Variants in HACD2 observed in about 807,000 individuals in gnomAD.
The protein encoded by HACD2 is very-long-chain (3R)-3-hydroxyacyl-CoA dehydratase 2.
Under a neutral mutation model 31.0 loss-of-function variants are expected in HACD2, and 15 were observed. That is an observed-to-expected ratio of 0.48 (90% CI 0.32 to 0.75). The LOEUF (loss-of-function observed/expected upper bound fraction) is 0.75, where lower values mean the gene tolerates loss of function less well. Ranked by LOEUF, HACD2 falls within the 30% of genes least tolerant of loss-of-function variation. HACD2 has a pLI of 0.03. For missense variants in HACD2, 283 were observed against 313.0 expected (o/e 0.90, Z 0.72); for synonymous variants, 115 against 122.2 (o/e 0.94, Z 0.39).
chr3:123,530,421 T>C (rs1472683003), intron 3 of HACD2, among the ~76,000 whole-genome samples: 1 of 150,872 alleles, frequency 6.6e-6, no homozygotes, highest in Non-Finnish European at 1.5e-5. Context: ...TTTTTTTTTT[T>C]TTTTTTGAGA....
chr3:123,513,179 T>C (rs1559904140), intron 4 of HACD2, among the ~76,000 whole-genome samples: 1 of 152,206 alleles, frequency 6.6e-6, no homozygotes, highest in Non-Finnish European at 1.5e-5. Flanking sequence ...TATAACCCAT[T>C]GAATTATACA....
chr3:123,575,968 T>C (rs531445779), intron 2 of HACD2, among the ~76,000 whole-genome samples: 35 of 152,308 alleles, frequency 2.3e-4, no homozygotes, highest in Non-Finnish European at 4.3e-4. Flanking sequence ...ATTCCAACCT[T>C]TTCTACTTCC....
At position 123,511,417 on chromosome 3, in the gene HACD2, T is replaced by C. The variant is rs576303529; in HGVS notation, c.382-8736A>G. Reference sequence around the variant, plus strand: ...AATTATCTTTCAAAATCAATAACTATTGGAAGGAACCCTATACAAGAAGAG... The same window carrying C: ...AATTATCTTTCAAAATCAATAACTACTGGAAGGAACCCTATACAAGAAGAG... On this transcript the variant is annotated intron_variant, in intron 4 of 6. Coordinates refer to ENST00000383657, the MANE Select transcript of HACD2 (RefSeq NM_198402.5). 3.3e-5 allele frequency among the ~76,000 whole-genome samples: 5 copies of C among 152,196 alleles called. No individual in the cohort carries two copies. The South Asian group carries it at 8.3e-4, about 25-fold the overall frequency.
At chr3:123,495,856 A>C (rs1445449324) in intron 6 of HACD2, among the ~76,000 whole-genome samples, 1 of 152,186 alleles carries the variant, frequency 6.6e-6, no homozygotes, top group African/African-American at 2.4e-5. Context: ...GACAGTACCC[A>C]CTACTAAGAA....
chr3:123,546,210 T>C (rs775047203), intron 3 of HACD2, among the ~76,000 whole-genome samples: 3 of 152,192 alleles, frequency 2.0e-5, no homozygotes, highest in African/African-American at 4.8e-5. Context: ...ACTAAAGATA[T>C]AGAGCCGATT....
chr3:123,566,878 T>C (rs1411384451), intron 3 of HACD2, among the ~76,000 whole-genome samples: 1 of 152,142 alleles, frequency 6.6e-6, no homozygotes, highest in Non-Finnish European at 1.5e-5. Context: ...GAGCCAGATA[T>C]CACAGTGACC....
intron 4 of HACD2, among the ~76,000 whole-genome samples, chr3:123,514,103 T>C (rs1435481538): frequency 6.6e-6 from 1 of 152,092 alleles, no homozygotes; most frequent in African/African-American, 2.4e-5. Flanking sequence ...GGTGAAACCC[T>C]GCCACTACAA....
At chr3:123,531,130 T>C (rs2056355651) in intron 3 of HACD2, among the ~76,000 whole-genome samples, 1 of 152,058 alleles carries the variant, frequency 6.6e-6, no homozygotes, top group Non-Finnish European at 1.5e-5. Flanking sequence ...CCTCCCAAAG[T>C]GCTGGGATTA....
intron 3 of HACD2, among the ~76,000 whole-genome samples, chr3:123,544,274 A>G (rs147531553): frequency 3.5e-4 from 54 of 152,296 alleles, no homozygotes; most frequent in African/African-American, 1.3e-3. Flanking sequence ...GAAGAGAAAG[A>G]GCAATTATAG....
chr3:123,507,586 G>A (rs963028086), intron 4 of HACD2, among the ~76,000 whole-genome samples: 7 of 152,270 alleles, frequency 4.6e-5, no homozygotes, highest in South Asian at 2.1e-4. Flanking sequence ...AAGTAGAATA[G>A]TGGTTGCCAG....
rs1373024020 is a variant in HACD2, at chr3:123,492,847, C to T, written c.*2041G>A. ...TTGATTCTATTTTATAGTAGAAATA[C>T]ATTATGGAAGAATAAAATGAGAGAA... On this transcript the variant is annotated 3_prime_UTR_variant, in exon 7 of 7. Transcript: ENST00000383657. 6.6e-6 allele frequency: 1 copy of T among 152,112 alleles called. No individual in the cohort carries two copies. The highest frequency in any genetic ancestry group is 1.5e-5 in the Non-Finnish European group (1 of 68,026). The allele number at this position is 152,112 out of a possible 1,614,324, so 9.4% of individuals were successfully genotyped here.
intron 3 of HACD2, among the ~76,000 whole-genome samples, chr3:123,566,031 G>A (rs891807108): frequency 6.6e-6 from 1 of 152,062 alleles, no homozygotes; most frequent in South Asian, 2.1e-4. Flanking sequence ...AGCAGACCAC[G>A]GGACAGATGA....
At chr3:123,568,933 A>G (rs901884163) in intron 2 of HACD2, among the ~76,000 whole-genome samples, 7 of 152,168 alleles carry the variant, frequency 4.6e-5, no homozygotes, top group African/African-American at 1.7e-4. Flanking sequence ...AGGACCAAGA[A>G]CTTAGGTTTT....
chr3:123,538,442 G>T (rs1358619028), intron 3 of HACD2, among the ~76,000 whole-genome samples: 1 of 152,170 alleles, frequency 6.6e-6, no homozygotes, highest in African/African-American at 2.4e-5. Flanking sequence ...TAATGAAACA[G>T]AAATGAATAT....
At chr3:123,547,937 C>G (rs1477650017) in intron 3 of HACD2, among the ~76,000 whole-genome samples, 2 of 152,048 alleles carry the variant, frequency 1.3e-5, no homozygotes, top group Non-Finnish European at 2.9e-5. Flanking sequence ...CCAGAGAAGG[C>G]AACTCACACT....
intron 2 of HACD2, among the ~76,000 whole-genome samples, chr3:123,576,354 T>C (rs1333910971): frequency 1.3e-5 from 2 of 152,106 alleles, no homozygotes; most frequent in Non-Finnish European, 2.9e-5. Context: ...CACCAAGCAG[T>C]GAGGCCTGTG....
intron 4 of HACD2, among the ~76,000 whole-genome samples, chr3:123,511,061 G>A (rs1475381104): frequency 2.7e-5 from 4 of 150,886 alleles, no homozygotes; most frequent in East Asian, 1.9e-4. Context: ...ATCTTTTCAC[G>A]TGCTTATTGG....
At chr3:123,521,992 G>C (rs576211608) in intron 4 of HACD2, among the ~76,000 whole-genome samples, 1 of 152,226 alleles carries the variant, frequency 6.6e-6, no homozygotes, top group Admixed American at 6.5e-5. Context: ...GGAGAAAGAT[G>C]CAACATGGGA....
chr3:123,563,071 T>A (rs1247579338), intron 3 of HACD2, among the ~76,000 whole-genome samples: 1 of 152,240 alleles, frequency 6.6e-6, no homozygotes, highest in Admixed American at 6.5e-5. Context: ...AAACTCCTGC[T>A]AGGTACTATG....
Sources: gnomAD v4.1 joint callset for allele counts (sites outside exome capture counted in the v4.1 genomes callset) on GRCh38, gnomAD v4.1.1 for gene constraint, MANE v1.5 for transcripts, NCBI Gene and HGNC (gene_info 2026-07-23, HGNC 2026-07-21) for gene names.